DIP2C: variants seen among roughly 807,000 people sequenced by gnomAD.
The protein encoded by DIP2C is DIP2 acetate--CoA ligase C (putative).
DIP2C carries 33 observed loss-of-function variants against 192.4 expected under a neutral mutation model. The ratio of observed to expected loss-of-function variants is 0.17; its 90% CI spans 0.13 to 0.23. DIP2C has a LOEUF of 0.23. DIP2C is among the 10% of genes least tolerant of loss of function. The probability of loss-of-function intolerance (pLI) is 1.00; values close to 1 mark genes in which losing one functional copy is unlikely to be tolerated. For missense variants in DIP2C, 1,537 were observed against 2,110.1 expected (o/e 0.73, Z 5.32); for synonymous variants, 979 against 864.1 (o/e 1.13, Z -2.33).
intron 17 of DIP2C, among the ~76,000 whole-genome samples, chr10:378,201 C>G (rs1961859690): frequency 6.6e-6 from 1 of 152,206 alleles, no homozygotes; most frequent in South Asian, 2.1e-4. Context: ...TATAACAGGA[C>G]AGTGACAGTT....
At chr10:424,670 G>A (rs1966455910) in intron 4 of DIP2C, among the ~76,000 whole-genome samples, 2 of 152,136 alleles carry the variant, frequency 1.3e-5, no homozygotes. Context: ...GGCCCACTCT[G>A]CCTTTTAAGA....
At chr10:485,014 T>A (rs1843906553) in intron 2 of DIP2C, 1 of 1,499,324 alleles carries the variant, frequency 6.7e-7, no homozygotes, top group Non-Finnish European at 8.9e-7. Context: ...GTTACAGCGC[T>A]GAGCAGAGCT....
intron 6 of DIP2C, among the ~76,000 whole-genome samples, chr10:418,346 G>C (rs552569487): frequency 1.6e-4 from 25 of 152,288 alleles, no homozygotes; most frequent in African/African-American, 6.0e-4. Flanking sequence ...GGCTCTGATA[G>C]GCCTCCCTGT....
chr10:380,477 C>G (rs1362398268), intron 17 of DIP2C, among the ~76,000 whole-genome samples: 2 of 152,220 alleles, frequency 1.3e-5, no homozygotes, highest in Non-Finnish European at 2.9e-5. Flanking sequence ...GCAGAAGAGG[C>G]TGTCCCTGGA....
At chr10:337,481 ATG>A (rs1279825195) in intron 29 of DIP2C, among the ~76,000 whole-genome samples, 1 of 95,412 alleles carries the variant, frequency 1.0e-5, no homozygotes, top group African/African-American at 4.2e-5. Flanking sequence ...GCTGATGTGT[ATG>A]TGTGTGCTGT....
chr10:408,725 C>G (rs61837162), intron 9 of DIP2C, among the ~76,000 whole-genome samples: 5,328 of 152,322 alleles, frequency 0.035, 161 homozygotes, highest in African/African-American at 0.083. Context: ...AGACCATTAC[C>G]TGCTCAGGAT....
intron 1 of DIP2C, among the ~76,000 whole-genome samples, chr10:675,875 A>G (rs58082750): frequency 0.038 from 5,762 of 152,304 alleles, 339 homozygotes; most frequent in African/African-American, 0.13. Flanking sequence ...TATTCCAAAA[A>G]TATTGAAGAG....
chr10:499,185 G>A (rs1374833481), intron 1 of DIP2C, among the ~76,000 whole-genome samples: 5 of 152,172 alleles, frequency 3.3e-5, no homozygotes, highest in Admixed American at 2.6e-4. Context: ...CTGACTCCTT[G>A]TCAGCATTGC....
At chr10:596,498 A>G (rs1310303303) in intron 1 of DIP2C, among the ~76,000 whole-genome samples, 1 of 55,258 alleles carries the variant, frequency 1.8e-5, no homozygotes, top group Non-Finnish European at 3.5e-5. Flanking sequence ...CTCCATCTCA[A>G]AAAAAAAAAA....
At chr10:515,370 C>G (rs560724478) in intron 1 of DIP2C, among the ~76,000 whole-genome samples, 15 of 152,316 alleles carry the variant, frequency 9.8e-5, no homozygotes, top group African/African-American at 3.4e-4. Flanking sequence ...CTCCTAGGCT[C>G]TTCCAAGCTG....
chr10:508,777 T>C (rs1260997862), intron 1 of DIP2C, among the ~76,000 whole-genome samples: 1 of 152,124 alleles, frequency 6.6e-6, no homozygotes. Context: ...GTACCGCACA[T>C]ACAGGAGATG....
At chr10:378,298 T>C (rs1961879406) in intron 17 of DIP2C, among the ~76,000 whole-genome samples, 1 of 152,224 alleles carries the variant, frequency 6.6e-6, no homozygotes. Flanking sequence ...GAACGTGATT[T>C]CCTGCCACCA....
intron 1 of DIP2C, among the ~76,000 whole-genome samples, chr10:532,688 AGAGAGTATGGGTGT>A (rs1564824806): frequency 1.4e-5 from 1 of 71,988 alleles, no homozygotes; most frequent in Non-Finnish European, 3.1e-5. Flanking sequence ...TATGGGTGTG[AGAGAGTATGGGTGT>A]GAGAGAGAGT....
In DIP2C at chr10:617,369, ATG is replaced by A. The variant is rs548105457; in HGVS notation, c.85+72123_85+72124del. ...GATGTGAGCCCCTGAGATTTCTCAA[ATG>A]TGAGATGGGAATGGTAACTGAACCC... On this transcript the variant is annotated intron_variant, in intron 1 of 36. Coordinates refer to ENST00000280886, the MANE Select transcript of DIP2C (RefSeq NM_014974.3). Among the ~76,000 whole-genome samples the A allele has an allele frequency of 8.5e-4, 129 of 152,232 alleles. 1 individual carries two copies. The highest frequency in any genetic ancestry group is 3.0e-3 in the African/African-American group (124 of 41,552).
At position 423,005 on chromosome 10, in the gene DIP2C, G is replaced by T; in HGVS notation, c.423C>A (p.Gly141=). 1 of 1,612,376 alleles carries T rather than the reference G, an allele frequency of 6.2e-7. No homozygotes were observed. The highest frequency in any genetic ancestry group is 8.5e-7 in the Non-Finnish European group (1 of 1,178,880). The change falls in exon 5 of 37, where the codon GGC becomes GGA. Residue 141 remains glycine (G), a synonymous_variant. Coordinates refer to ENST00000280886, the MANE Select transcript of DIP2C (RefSeq NM_014974.3). The stretch of plus-strand genomic sequence containing the variant: ...TGCCCTGGGAGTCCCCCTGCACTGA[G>T]CCTTCATCTTCTGAGCCAGAAGAGG... ...PDTSSGSEDE[G]SVQGDSQGTP...
intron 1 of DIP2C, among the ~76,000 whole-genome samples, chr10:513,277 T>C (rs1846142864): frequency 6.6e-6 from 1 of 152,210 alleles, no homozygotes; most frequent in South Asian, 2.1e-4. Context: ...AATTAATGAC[T>C]TAGGGGAAAA....
rs547174949 is a variant in DIP2C, at chr10:585,728, A to C, written c.86-99198T>G. Among the ~76,000 whole-genome samples the C allele has an allele frequency of 1.3e-4, 20 of 152,310 alleles. No homozygotes were observed. In the East Asian group the frequency reaches 1.5e-3, roughly 12 times the overall value. On this transcript the variant is annotated intron_variant, in intron 1 of 36. Coordinates refer to ENST00000280886, the MANE Select transcript of DIP2C (RefSeq NM_014974.3). Reference sequence around the variant, plus strand: ...TCTCTACTGCCACAAACGCCGCTGCAAGGTACAACCAGGAAGATCATCATT... The same window carrying C: ...TCTCTACTGCCACAAACGCCGCTGCCAGGTACAACCAGGAAGATCATCATT...
chr10:325,109 C>G, intron 31 of DIP2C: 5 of 362,346 alleles, frequency 1.4e-5, no homozygotes, highest in Non-Finnish European at 2.7e-5. Flanking sequence ...ACTAAAAATA[C>G]AAAAAATTAG....
intron 3 of DIP2C, among the ~76,000 whole-genome samples, chr10:453,213 C>T (rs547098009): frequency 2.0e-5 from 3 of 152,300 alleles, no homozygotes; most frequent in Admixed American, 1.3e-4. Context: ...TCTGATCAAG[C>T]GTCCTCCAAA....
Sources: gnomAD v4.1 joint callset for allele counts (sites outside exome capture counted in the v4.1 genomes callset) on GRCh38, gnomAD v4.1.1 for gene constraint, MANE v1.5 for transcripts, NCBI Gene and HGNC (gene_info 2026-07-23, HGNC 2026-07-21) for gene names.